LIN52: variants seen among roughly 807,000 people sequenced by gnomAD.
LIN52 encodes protein lin-52 homolog.
In LIN52, 4 loss-of-function variants were observed where a neutral mutation model predicts 18.5. The ratio of observed to expected loss-of-function variants is 0.22; its 90% confidence interval spans 0.11 to 0.49. The LOEUF (loss-of-function observed/expected upper bound fraction) is 0.49. Ranked by LOEUF, LIN52 falls within the 20% of genes least tolerant of loss-of-function variation. The pLI is 0.97. For synonymous variants in LIN52, 34 were observed against 45.5 expected, an observed-to-expected ratio of 0.75 and a Z score of 1.02; for missense variants, 102 against 139.5, an observed-to-expected ratio of 0.73 and a Z score of 1.35.
intron 5 of LIN52, among the ~76,000 whole-genome samples, chr14:74,136,814 A>G (rs897053516): frequency 6.6e-6 from 1 of 152,110 alleles, no homozygotes; most frequent in African/African-American, 2.4e-5. Context: ...GCCCCCCTTA[A>G]TCAGAGTGAG....
At chr14:74,143,797 G>A (rs1420181984) in intron 5 of LIN52, among the ~76,000 whole-genome samples, 3 of 152,032 alleles carry the variant, frequency 2.0e-5, no homozygotes, top group Non-Finnish European at 4.4e-5. Flanking sequence ...ACATTCAAAA[G>A]CCTCTCTTCC....
chr14:74,200,828 C>T lies in LIN52; in HGVS notation c.*1851C>T, dbSNP rs995097784. ...GAGTGTGTGTGTGTGTGTGCGCGCG[C>T]GCATGTGGCCAAAAAATAGTGCCAT... On this transcript the variant is annotated 3_prime_UTR_variant, in exon 6 of 6. Coordinates refer to ENST00000555028, the MANE Select transcript of LIN52 (RefSeq NM_001024674.3). The T allele has an allele frequency of 1.3e-5, 2 of 151,830 alleles. No individual in the cohort carries two copies. The highest frequency in any genetic ancestry group is 4.8e-5 in the African/African-American group (2 of 41,384). The allele number at this position is 151,830 out of a possible 1,614,324, so 9.4% of individuals were successfully genotyped here. A position where few individuals can be genotyped will look rare whatever the true frequency, so the allele number is the denominator to read the frequency against.
chr14:74,141,220 G>A (rs961831573), intron 5 of LIN52, among the ~76,000 whole-genome samples: 4 of 152,106 alleles, frequency 2.6e-5, no homozygotes, highest in African/African-American at 7.2e-5. Context: ...ATTTATGAGC[G>A]GTAACTGCCA....
chr14:74,140,737 G>A (rs990398408), intron 5 of LIN52, among the ~76,000 whole-genome samples: 3 of 152,178 alleles, frequency 2.0e-5, no homozygotes, highest in Admixed American at 6.5e-5. Context: ...AGAAGAGGCT[G>A]GGTATTATCA....
chr14:74,107,051 C>T (rs1305750459), intron 5 of LIN52, among the ~76,000 whole-genome samples: 1 of 152,232 alleles, frequency 6.6e-6, no homozygotes, highest in East Asian at 1.9e-4. Context: ...CTTCTTACAT[C>T]TCCTCTACCA....
At chr14:74,147,857 T>G (rs72627162) in intron 5 of LIN52, among the ~76,000 whole-genome samples, 26,262 of 152,124 alleles carry the variant, frequency 0.17, 2,773 homozygotes, top group East Asian at 0.58. Flanking sequence ...GTTTCAGTTT[T>G]GCAAGTTGAA....
intron 5 of LIN52, among the ~76,000 whole-genome samples, chr14:74,173,845 C>T (rs1420809943): frequency 1.3e-5 from 2 of 152,138 alleles, no homozygotes; most frequent in African/African-American, 2.4e-5. Flanking sequence ...TGTCCCAATG[C>T]TCAAATTTTT....
chr14:74,109,264 G>C (rs1159464515), intron 5 of LIN52, among the ~76,000 whole-genome samples: 1 of 152,140 alleles, frequency 6.6e-6, no homozygotes, highest in African/African-American at 2.4e-5. Context: ...TGGGAGAATT[G>C]CTTGAGCCCA....
chr14:74,128,102 A>G (rs1363560776), intron 5 of LIN52, among the ~76,000 whole-genome samples: 1 of 152,192 alleles, frequency 6.6e-6, no homozygotes, highest in Admixed American at 6.5e-5. Context: ...AGGATGCTGG[A>G]CATCAGGCAA....
At chr14:74,173,689 T>C (rs1234114357) in intron 5 of LIN52, among the ~76,000 whole-genome samples, 1 of 152,242 alleles carries the variant, frequency 6.6e-6, no homozygotes, top group Non-Finnish European at 1.5e-5. Context: ...TCATAGTATG[T>C]AAATAACCTA....
At chr14:74,087,643 T>A (rs1298175884) in intron 1 of LIN52, among the ~76,000 whole-genome samples, 1 of 152,182 alleles carries the variant, frequency 6.6e-6, no homozygotes, top group Non-Finnish European at 1.5e-5. Context: ...GGCCTAGCTC[T>A]TTCACTTCTA....
chr14:74,095,841 C>T, intron 2 of LIN52, 107 bp from the exon 3 acceptor site: 1 of 663,290 alleles, frequency 1.5e-6, no homozygotes, highest in Non-Finnish European at 2.4e-6. Flanking sequence ...TCTTTCTCTT[C>T]TTCTAAACTA....
intron 5 of LIN52, among the ~76,000 whole-genome samples, chr14:74,117,900 G>A (rs1235783495): frequency 6.6e-6 from 1 of 152,062 alleles, no homozygotes; most frequent in Non-Finnish European, 1.5e-5. Context: ...TAAACTAAAA[G>A]CTTGTTACTT....
chr14:74,190,117 T>G (rs1463458726), intron 5 of LIN52, among the ~76,000 whole-genome samples: 1 of 152,068 alleles, frequency 6.6e-6, no homozygotes, highest in Non-Finnish European at 1.5e-5. Context: ...AAATTAAAGT[T>G]ATAAAGTAAA....
At chr14:74,143,276 A>G (rs116944724) in intron 5 of LIN52, among the ~76,000 whole-genome samples, 199 of 152,318 alleles carry the variant, frequency 1.3e-3, no homozygotes, top group Non-Finnish European at 2.3e-3. Flanking sequence ...GAGCCTGGGC[A>G]TAGTGGCTTA....
intron 5 of LIN52, among the ~76,000 whole-genome samples, chr14:74,115,476 CTG>C (rs3831771): frequency 0.22 from 34,136 of 152,026 alleles, 4,147 homozygotes; most frequent in South Asian, 0.46. Flanking sequence ...ACCCCAAAGA[CTG>C]TGTTGAAATC....
intron 5 of LIN52, among the ~76,000 whole-genome samples, chr14:74,160,384 A>G (rs988306616): frequency 2.6e-5 from 4 of 152,298 alleles, no homozygotes; most frequent in East Asian, 1.9e-4. Flanking sequence ...CCTTCTCTCT[A>G]TAGGAGTTTA....
intron 5 of LIN52, among the ~76,000 whole-genome samples, chr14:74,119,540 T>C (rs2060986525): frequency 6.6e-6 from 1 of 152,220 alleles, no homozygotes; most frequent in African/African-American, 2.4e-5. Flanking sequence ...TATTTAGCTT[T>C]AGTAGGTACT....
rs185121702 is a variant in LIN52 at position 74,192,586 on chromosome 14, C to A, written c.284-6336C>A. ...TACAGGCATGAGCCACCATGCCCAG[C>A]CAACAGTGGTCATATTAATTTGAAG... On this transcript the variant is annotated intron_variant, in intron 5 of 5. Coordinates refer to ENST00000555028, the MANE Select transcript of LIN52 (RefSeq NM_001024674.3). 642 of 198,806 alleles carry A rather than the reference C, an allele frequency of 3.2e-3. 2 individuals are homozygous for A. The highest frequency in any genetic ancestry group is 4.8e-3 in the Non-Finnish European group (469 of 98,044). 12.3% of individuals were successfully genotyped at this position (198,806 alleles called of 1,614,324 possible).
Sources: allele counts gnomAD v4.1 joint callset (sites outside exome capture counted in the v4.1 genomes callset), GRCh38; gene constraint gnomAD v4.1.1; transcripts MANE v1.5; gene names NCBI Gene and HGNC (gene_info 2026-07-23, HGNC 2026-07-21).